Variants in SLC24A2 observed in about 807,000 individuals in gnomAD.
SLC24A2 encodes solute carrier family 24 member 2, also known as sodium/potassium/calcium exchanger 2.
SLC24A2 carries 36 observed loss-of-function variants against 62.0 expected under a neutral mutation model. That is an observed-to-expected ratio of 0.58 (90% CI 0.44 to 0.77). The LOEUF is 0.77. Ranked by LOEUF, SLC24A2 falls within the 30% of genes least tolerant of loss-of-function variation. SLC24A2 has a pLI of 0.00. For synonymous variants in SLC24A2, 358 were observed against 294.0 expected (o/e 1.22, Z -2.23); for missense variants, 846 against 817.9 (o/e 1.03, Z -0.42).
chr9:19,652,381 G>C (rs1178466124), intron 2 of SLC24A2, among the ~76,000 whole-genome samples: 2 of 152,176 alleles, frequency 1.3e-5, no homozygotes, highest in Non-Finnish European at 2.9e-5. Flanking sequence ...AGGATCTTGA[G>C]ATGGGGAAAT....
chr9:19,664,657 G>A (rs1422000952), intron 2 of SLC24A2, among the ~76,000 whole-genome samples: 1 of 152,208 alleles, frequency 6.6e-6, no homozygotes, highest in Non-Finnish European at 1.5e-5. Context: ...GGTCATACTG[G>A]ATCTGGGTGG....
the SLC24A2 span, among the ~76,000 whole-genome samples, chr9:20,239,392 C>T: frequency 5.3e-5 from 8 of 152,228 alleles, no homozygotes; most frequent in Non-Finnish European, 1.0e-4. Flanking sequence ...CTAAATCTGG[C>T]AACCACAACT....
chr9:19,909,585 A>G, the SLC24A2 span, among the ~76,000 whole-genome samples: 1 of 152,110 alleles, frequency 6.6e-6, no homozygotes, highest in Non-Finnish European at 1.5e-5. Flanking sequence ...CTAGGAATAT[A>G]TGAGGGAACT....
At chr9:20,099,211 T>C in the SLC24A2 span, among the ~76,000 whole-genome samples, 55 of 152,316 alleles carry the variant, frequency 3.6e-4, no homozygotes, top group African/African-American at 1.3e-3. Context: ...TGGTTGACAA[T>C]GATATTTCTT....
the SLC24A2 span, among the ~76,000 whole-genome samples, chr9:20,264,331 T>G: frequency 2.6e-5 from 4 of 152,210 alleles, no homozygotes; most frequent in African/African-American, 9.6e-5. Flanking sequence ...GTAATCCCCT[T>G]TTCTCAGATA....
intron 9 of SLC24A2, among the ~76,000 whole-genome samples, chr9:19,524,544 A>T (rs972276812): frequency 6.6e-6 from 1 of 152,210 alleles, no homozygotes; most frequent in African/African-American, 2.4e-5. Context: ...ATAACAAAAG[A>T]GTTGAACACT....
chr9:19,611,208 G>A (rs1224772056), intron 4 of SLC24A2, among the ~76,000 whole-genome samples: 3 of 152,110 alleles, frequency 2.0e-5, no homozygotes, highest in African/African-American at 7.2e-5. Context: ...TGAGGCAGGA[G>A]TGTGCTTGGG....
At chr9:20,162,260 A>C in the SLC24A2 span, among the ~76,000 whole-genome samples, 3 of 151,656 alleles carry the variant, frequency 2.0e-5, no homozygotes, top group Non-Finnish European at 3.0e-5. Flanking sequence ...AATAGGCTTC[A>C]TCTACACAAA....
At chr9:19,623,880 C>G (rs1817969711) in intron 2 of SLC24A2, among the ~76,000 whole-genome samples, 1 of 152,120 alleles carries the variant, frequency 6.6e-6, no homozygotes, top group Non-Finnish European at 1.5e-5. Context: ...GTGGTAATTT[C>G]TGAGCACAGC....
chr9:19,866,593 C>T, the SLC24A2 span, among the ~76,000 whole-genome samples: 8 of 148,874 alleles, frequency 5.4e-5, no homozygotes, highest in East Asian at 3.9e-4. Flanking sequence ...GTGAAATAAG[C>T]CAGGCACAAA....
chr9:19,834,051 A>G, the SLC24A2 span, among the ~76,000 whole-genome samples: 1 of 152,026 alleles, frequency 6.6e-6, no homozygotes, highest in Admixed American at 6.6e-5. Context: ...AACAGAAAGG[A>G]CCTCCACCCC....
At chr9:19,751,172 T>C (rs992806062) in intron 2 of SLC24A2, among the ~76,000 whole-genome samples, 3 of 152,126 alleles carry the variant, frequency 2.0e-5, no homozygotes, top group Admixed American at 6.6e-5. Flanking sequence ...GTAATAATTA[T>C]AGCAGTAAAA....
At chr9:19,844,847 G>T in the SLC24A2 span, among the ~76,000 whole-genome samples, 1 of 151,876 alleles carries the variant, frequency 6.6e-6, no homozygotes, top group Non-Finnish European at 1.5e-5. Flanking sequence ...TTTATTTCTG[G>T]GTTCTCTTTT....
the SLC24A2 span, among the ~76,000 whole-genome samples, chr9:19,846,927 TG>T: frequency 2.0e-4 from 31 of 151,926 alleles, 1 homozygote; most frequent in African/African-American, 7.2e-4. Flanking sequence ...GAGGCTGAGG[TG>T]GGAGGATCAC....
the SLC24A2 span, among the ~76,000 whole-genome samples, chr9:20,297,206 CA>C: frequency 6.6e-6 from 1 of 152,256 alleles, no homozygotes; most frequent in East Asian, 1.9e-4. Context: ...ATGTGCCAGT[CA>C]GACTGTCCAG....
At chr9:20,098,733 T>C in the SLC24A2 span, among the ~76,000 whole-genome samples, 2 of 152,212 alleles carry the variant, frequency 1.3e-5, no homozygotes, top group Non-Finnish European at 2.9e-5. Flanking sequence ...GGAGAATCCA[T>C]GTTTCACTTG....
At chr9:20,277,492 A>G in the SLC24A2 span, among the ~76,000 whole-genome samples, 6 of 151,770 alleles carry the variant, frequency 4.0e-5, no homozygotes, top group African/African-American at 1.5e-4. Context: ...AAAAATGTTC[A>G]TCATCACTGG....
chr9:19,727,804 C>T (rs550925341), intron 2 of SLC24A2, among the ~76,000 whole-genome samples: 7 of 152,272 alleles, frequency 4.6e-5, no homozygotes, highest in Admixed American at 4.6e-4. Flanking sequence ...ATCAGTTTTA[C>T]ATTTATTTAA....
At position 19,743,885 on chromosome 9, in the gene SLC24A2, G is replaced by A. The variant is rs557497884; in HGVS notation, c.930+42052C>T. Among the ~76,000 whole-genome samples the A allele has an allele frequency of 9.2e-5, 14 of 152,218 alleles. 1 individual carries two copies. Among genetic ancestry groups the A allele is most frequent in the African/African-American group, 2.2e-4 (9 of 41,534 alleles). ...TGGTTTTGGTGGGGGTGCAGGTAAG[G>A]AGGATACTTTCTCACTTTATTAGCC... On this transcript the variant is annotated intron_variant, in intron 2 of 10. Coordinates refer to ENST00000341998, the MANE Select transcript of SLC24A2 (RefSeq NM_020344.4).
Sources: allele counts gnomAD v4.1 joint callset (sites outside exome capture counted in the v4.1 genomes callset), GRCh38; gene constraint gnomAD v4.1.1; transcripts MANE v1.5; gene names NCBI Gene and HGNC (gene_info 2026-07-23, HGNC 2026-07-21).